The following MACO1 variants were observed in gnomAD, a reference collection of about 807,000 sequenced individuals.
The protein encoded by MACO1 is macoilin.
Under a neutral mutation model 78.7 loss-of-function variants are expected in MACO1, and 14 were observed. The ratio of observed to expected loss-of-function variants is 0.18; its 90% CI spans 0.12 to 0.28. MACO1 has a LOEUF of 0.28. Among genes scored for constraint, MACO1 ranks in the 10% least tolerant of loss-of-function variants. The probability of loss-of-function intolerance (pLI) is 1.00; values close to 1 mark genes in which losing one functional copy is unlikely to be tolerated. For synonymous variants in MACO1, 288 were observed against 291.6 expected, an observed-to-expected ratio of 0.99 and a Z score of 0.12; for missense variants, 501 against 799.0, an observed-to-expected ratio of 0.63 and a Z score of 4.50.
intron 10 of MACO1, among the ~76,000 whole-genome samples, chr1:25,495,158 G>T (rs1479846414): frequency 6.6e-6 from 1 of 152,138 alleles, no homozygotes; most frequent in African/African-American, 2.4e-5. Flanking sequence ...CTTCAACCCT[G>T]TTTACTTGGT....
intron 6 of MACO1, among the ~76,000 whole-genome samples, chr1:25,468,592 CTTTTA>C (rs2124595227): frequency 6.6e-6 from 1 of 152,308 alleles, no homozygotes; most frequent in South Asian, 2.1e-4. Flanking sequence ...AATACTCACT[CTTTTA>C]TTCCGCTCCA....
At chr1:25,442,949 G>A (rs1180649376) in intron 1 of MACO1, among the ~76,000 whole-genome samples, 6 of 152,116 alleles carry the variant, frequency 3.9e-5, no homozygotes, top group African/African-American at 1.4e-4. Flanking sequence ...TTGGATCAGA[G>A]AATCAAGGTA....
intron 1 of MACO1, among the ~76,000 whole-genome samples, chr1:25,444,022 C>A (rs1394621606): frequency 6.7e-6 from 1 of 150,226 alleles, no homozygotes; most frequent in Non-Finnish European, 1.5e-5. Context: ...GAGGCCAAGG[C>A]GGGCAGATCA....
intron 8 of MACO1, among the ~76,000 whole-genome samples, chr1:25,486,227 G>T (rs1312366403): frequency 1.3e-5 from 2 of 152,048 alleles, no homozygotes; most frequent in Non-Finnish European, 2.9e-5. Context: ...ATAAAATCTT[G>T]GTTGCCCAAG....
chr1:25,433,842 A>G (rs1398242095), intron 1 of MACO1, among the ~76,000 whole-genome samples: 1 of 152,232 alleles, frequency 6.6e-6, no homozygotes, highest in African/African-American at 2.4e-5. Flanking sequence ...TACAGATACT[A>G]TTTACCATGT....
chr1:25,453,816 A>G (rs1014902764), intron 3 of MACO1, among the ~76,000 whole-genome samples: 1 of 152,106 alleles, frequency 6.6e-6, no homozygotes, highest in Admixed American at 6.5e-5. Flanking sequence ...TACCCTCCCT[A>G]TGCTATTATC....
intron 1 of MACO1, among the ~76,000 whole-genome samples, chr1:25,440,868 C>G (rs1197738489): frequency 6.6e-6 from 1 of 151,946 alleles, no homozygotes; most frequent in Non-Finnish European, 1.5e-5. Flanking sequence ...GTCTGGCTTA[C>G]TAGAAGATAC....
chr1:25,465,224 G>T (rs1225681763), intron 6 of MACO1, among the ~76,000 whole-genome samples: 1 of 152,146 alleles, frequency 6.6e-6, no homozygotes, highest in Non-Finnish European at 1.5e-5. Flanking sequence ...GGACATCTTG[G>T]TTTTTTCCAA....
chr1:25,455,184 A>G (rs1215828972), intron 4 of MACO1, among the ~76,000 whole-genome samples: 3 of 152,230 alleles, frequency 2.0e-5, no homozygotes, highest in Non-Finnish European at 2.9e-5. Context: ...TCCTTAGCCT[A>G]TTTATAAAAG....
At chr1:25,464,607 A>C (rs2043200024) in intron 6 of MACO1, among the ~76,000 whole-genome samples, 1 of 149,840 alleles carries the variant, frequency 6.7e-6, no homozygotes, top group African/African-American at 2.5e-5. Context: ...GGCCTCCCAA[A>C]GTTCTGGGAT....
At chr1:25,457,906 G>T (rs574752086) in intron 5 of MACO1, among the ~76,000 whole-genome samples, 2 of 152,276 alleles carry the variant, frequency 1.3e-5, no homozygotes, top group East Asian at 3.9e-4. Context: ...CCAGAAAAAG[G>T]ATAGATGTCC....
In MACO1 at chr1:25,480,537, A is replaced by T. The variant is rs190279785; in HGVS notation, c.1155-3579A>T. Among the ~76,000 whole-genome samples, 17 of 152,332 alleles carry T rather than the reference A, an allele frequency of 1.1e-4. No homozygotes were observed. The East Asian group carries it at 3.3e-3, about 29-fold the overall frequency. On this transcript the variant is annotated intron_variant, in intron 6 of 10. Transcript: ENST00000374343. The stretch of plus-strand genomic sequence containing the variant: ...AAGTGTTCCATTTATGAATTTTCAC[A>T]AAGTGAACACATTCCTGTAACCACT...
At chr1:25,448,689 G>A (rs931965510) in intron 2 of MACO1, 119 bp from the exon 3 acceptor site, 3 of 955,144 alleles carry the variant, frequency 3.1e-6, no homozygotes, top group African/African-American at 3.2e-5. Context: ...TTGCTTTACA[G>A]TTACCAAGTT....
intron 2 of MACO1, among the ~76,000 whole-genome samples, chr1:25,447,208 T>C (rs1346455769): frequency 7.6e-6 from 1 of 130,900 alleles, no homozygotes; most frequent in Non-Finnish European, 1.7e-5. Context: ...ATAAAGGCCG[T>C]TCCTACCTTA....
intron 6 of MACO1, among the ~76,000 whole-genome samples, chr1:25,475,207 A>G (rs766020991): frequency 6.6e-6 from 1 of 151,950 alleles, no homozygotes. Context: ...TAGCCGGGCA[A>G]GGTGGCGGGT....
chr1:25,471,447 A>G (rs1334400410), intron 6 of MACO1, among the ~76,000 whole-genome samples: 1 of 152,196 alleles, frequency 6.6e-6, no homozygotes, highest in East Asian at 1.9e-4. Context: ...GTTGGCTGCC[A>G]GAGACATTTA....
At position 25,460,455 on chromosome 1, in the gene MACO1, G is replaced by A. The variant is rs1471496152; in HGVS notation, c.1154+1563G>A. ...ATCTCACTGTTTTGCCCAGGCTTGA[G>A]TGTAGTGGCGTGATCACAGCTAACT... On this transcript the variant is annotated intron_variant, in intron 6 of 10. Coordinates refer to ENST00000374343, the MANE Select transcript of MACO1 (RefSeq NM_018202.6). 6.0e-5 allele frequency among the ~76,000 whole-genome samples: 9 copies of A among 151,074 alleles called. No individual in the cohort carries two copies. The East Asian group carries it at 1.8e-3, about 29-fold the overall frequency.
chr1:25,475,550 CA>C (rs1162367298), intron 6 of MACO1, among the ~76,000 whole-genome samples: 179 of 56,946 alleles, frequency 3.1e-3, no homozygotes, highest in South Asian at 7.0e-3. Context: ...CCAGGCTCTA[CA>C]AAAAAAAAAA....
intron 4 of MACO1, among the ~76,000 whole-genome samples, chr1:25,455,258 G>T (rs543500562): frequency 1.3e-5 from 2 of 152,014 alleles, no homozygotes; most frequent in Non-Finnish European, 2.9e-5. Flanking sequence ...TGAATATTAA[G>T]ATATTATTCA....
Sources: gnomAD v4.1 joint callset for allele counts (sites outside exome capture counted in the v4.1 genomes callset) on GRCh38, gnomAD v4.1.1 for gene constraint, MANE v1.5 for transcripts, NCBI Gene and HGNC (gene_info 2026-07-23, HGNC 2026-07-21) for gene names.